Variants in TOMM70 observed in about 807,000 individuals in gnomAD.
TOMM70 encodes the protein translocase of outer mitochondrial membrane 70.
A neutral mutation model predicts 73.6 loss-of-function variants in TOMM70; 13 were observed. The ratio of observed to expected loss-of-function variants is 0.18; its 90% CI spans 0.11 to 0.28. TOMM70 has a LOEUF of 0.28. Among genes scored for constraint, TOMM70 ranks in the 10% least tolerant of loss-of-function variants. The pLI is 1.00. For missense variants in TOMM70, 609 were observed against 747.5 expected, an observed-to-expected ratio of 0.81 and a Z score of 2.16; for synonymous variants, 257 against 271.2, an observed-to-expected ratio of 0.95 and a Z score of 0.51.
rs1231709134 is a variant in TOMM70 at position 100,363,433 on chromosome 3, T to C, written c.*2131A>G. ...CACCATGCCCAGCCTAAACTACCTATCTTTCTATTTAAAGAATAGATAGAA... is the reference window on the plus strand; with the variant it reads ...CACCATGCCCAGCCTAAACTACCTACCTTTCTATTTAAAGAATAGATAGAA... On this transcript the variant is annotated 3_prime_UTR_variant, in exon 12 of 12. Coordinates refer to ENST00000284320, the MANE Select transcript of TOMM70 (RefSeq NM_014820.5). The C allele has an allele frequency of 6.6e-6, 1 of 152,634 alleles. No individual in the cohort carries two copies. The highest frequency in any genetic ancestry group is 1.5e-5 in the Non-Finnish European group (1 of 68,050). The allele number at this position is 152,634 out of a possible 1,614,324, so 9.5% of individuals were successfully genotyped here. A position where few individuals can be genotyped will look rare whatever the true frequency, so the allele number is the denominator to read the frequency against.
chr3:100,373,763 A>G, intron 7 of TOMM70, 118 bp from the exon 8 acceptor site: 1 of 568,696 alleles, frequency 1.8e-6, no homozygotes, highest in Non-Finnish European at 3.0e-6. Flanking sequence ...AATTCAATAT[A>G]TAATTACTTT....
At position 100,377,968 on chromosome 3, in the gene TOMM70, T is replaced by C. The variant is rs573242561; in HGVS notation, c.885-56A>G. The stretch of plus-strand genomic sequence containing the variant: ...TTACTAAGAAAAAATTAAATGTGGC[T>C]GGGTGTGGTGGCTCACGCCTGTAAT... On this transcript the variant is annotated intron_variant, in intron 5 of 11. Transcript: ENST00000284320. The C allele has an allele frequency of 1.6e-4, 237 of 1,498,376 alleles. No individual in the cohort carries two copies. The East Asian group carries it at 2.2e-3, about 14-fold the overall frequency. The allele number at this position is 1,498,376 out of a possible 1,614,324, so 92.8% of individuals were successfully genotyped here.
chr3:100,392,227 A>G (rs35281373), intron 1 of TOMM70, among the ~76,000 whole-genome samples: 36,170 of 152,108 alleles, frequency 0.24, 5,360 homozygotes, highest in Middle Eastern at 0.38. Context: ...ATGCATGACT[A>G]TATATTAGGT....
At chr3:100,368,546 AAC>A in intron 10 of TOMM70, among the ~76,000 whole-genome samples, 1 of 152,156 alleles carries the variant, frequency 6.6e-6, no homozygotes, top group African/African-American at 2.4e-5. Flanking sequence ...TAAAACCCTT[AAC>A]ACAGAGCAAG....
chr3:100,399,623 C>T (rs1576220945), intron 1 of TOMM70, among the ~76,000 whole-genome samples: 1 of 152,110 alleles, frequency 6.6e-6, no homozygotes, highest in Non-Finnish European at 1.5e-5. Flanking sequence ...CTTGGCCTCA[C>T]ATCAGAGAAA....
At chr3:100,392,362 G>C (rs551757615) in intron 1 of TOMM70, among the ~76,000 whole-genome samples, 7 of 152,116 alleles carry the variant, frequency 4.6e-5, no homozygotes, top group Non-Finnish European at 1.0e-4. Flanking sequence ...AAATACTTCA[G>C]GTAATACACC....
At chr3:100,376,636 T>C (rs1706569410) in intron 6 of TOMM70, among the ~76,000 whole-genome samples, 1 of 151,896 alleles carries the variant, frequency 6.6e-6, no homozygotes, top group African/African-American at 2.4e-5. Flanking sequence ...TCTAAGAAAC[T>C]GCTGCTTATC....
intron 11 of TOMM70, among the ~76,000 whole-genome samples, chr3:100,367,223 GA>G (rs576499180): frequency 6.7e-6 from 1 of 149,948 alleles, no homozygotes; most frequent in Non-Finnish European, 1.5e-5. Flanking sequence ...ATAAAAAGAA[GA>G]AAAAAAAACT....
At chr3:100,381,482 T>C in intron 5 of TOMM70, 133 bp downstream of exon 5, 1 of 419,596 alleles carries the variant, frequency 2.4e-6, no homozygotes, top group Non-Finnish European at 3.7e-6. Context: ...TAATTTTTAA[T>C]TATATTTCTG....
In TOMM70 at chr3:100,386,363, A is replaced by T. The variant is rs534901453; in HGVS notation, c.499-19T>A. Reference sequence around the variant, plus strand: ...ATTTTTGCTGTAATTGAAAGTATTTAAAAAAAGTCACACTAAAGAAAGTAC... The same window carrying T: ...ATTTTTGCTGTAATTGAAAGTATTTTAAAAAAGTCACACTAAAGAAAGTAC... On this transcript the variant is annotated intron_variant, in intron 2 of 11. Coordinates refer to ENST00000284320, the MANE Select transcript of TOMM70 (RefSeq NM_014820.5). 8.2e-5 allele frequency: 130 copies of T among 1,585,986 alleles called. 1 individual carries two copies. The highest frequency in any genetic ancestry group is 4.4e-4 in the South Asian group (38 of 85,964).
chr3:100,391,897 C>T (rs1706767506), intron 1 of TOMM70, among the ~76,000 whole-genome samples: 1 of 152,168 alleles, frequency 6.6e-6, no homozygotes, highest in Admixed American at 6.5e-5. Context: ...TTTACTTTCA[C>T]TCACCCACTG....
At chr3:100,369,783 G>A (rs985465642) in intron 9 of TOMM70, among the ~76,000 whole-genome samples, 4 of 152,120 alleles carry the variant, frequency 2.6e-5, no homozygotes, top group Non-Finnish European at 4.4e-5. Flanking sequence ...TTACAGGAGT[G>A]AGCCACCGCA....
At chr3:100,398,779 T>C (rs1349406879) in intron 1 of TOMM70, among the ~76,000 whole-genome samples, 3 of 152,136 alleles carry the variant, frequency 2.0e-5, no homozygotes. Flanking sequence ...GAGCCCACTA[T>C]AAAGCTTACA....
chr3:100,373,684 T>TGCA (rs3832198), intron 7 of TOMM70, 39 bp from the exon 8 acceptor site: 1,010,332 of 1,466,892 alleles, frequency 0.69, 351,897 homozygotes, highest in East Asian at 0.92. Context: ...ATTCAACTAG[T>TGCA]CCAGTTAAGT....
chr3:100,374,719 T>C (rs1466348355), intron 7 of TOMM70, among the ~76,000 whole-genome samples: 2 of 152,256 alleles, frequency 1.3e-5, no homozygotes, highest in Admixed American at 6.5e-5. Context: ...CTAAATGTTA[T>C]TAATGTTTTA....
chr3:100,377,941 A>G, intron 5 of TOMM70, 29 bp from the exon 6 acceptor site: 3 of 1,587,026 alleles, frequency 1.9e-6, no homozygotes, highest in Non-Finnish European at 2.6e-6. Context: ...ATAGGAAATT[A>G]TTTACTAAGA....
At chr3:100,370,607 G>A (rs545445897) in intron 9 of TOMM70, among the ~76,000 whole-genome samples, 74 of 152,174 alleles carry the variant, frequency 4.9e-4, no homozygotes, top group African/African-American at 1.7e-3. Context: ...CAGCATCTAC[G>A]CCAAAGCTTT....
In TOMM70 at chr3:100,377,690, C is replaced by T; in HGVS notation, c.1092+15G>A. On this transcript the variant is annotated intron_variant, in intron 6 of 11. Coordinates refer to ENST00000284320, the MANE Select transcript of TOMM70 (RefSeq NM_014820.5). The stretch of plus-strand genomic sequence containing the variant: ...TTCTATTTAATAATTTCTTCACACA[C>T]ATTTTTTAATGTACCTTCACATTAG... 3 of 1,595,224 alleles carry T rather than the reference C, an allele frequency of 1.9e-6. No individual in the cohort carries two copies. The highest frequency in any genetic ancestry group is 2.3e-5 in the East Asian group (1 of 44,408).
At chr3:100,381,431 C>A (rs911873063) in intron 5 of TOMM70, among the ~76,000 whole-genome samples, 184 bp downstream of exon 5, 2 of 152,122 alleles carry the variant, frequency 1.3e-5, no homozygotes, top group East Asian at 3.9e-4. Context: ...GTAACAGATA[C>A]ATGCTAGAAA....
Sources: allele counts gnomAD v4.1 joint callset (sites outside exome capture counted in the v4.1 genomes callset), GRCh38; gene constraint gnomAD v4.1.1; transcripts MANE v1.5; gene names NCBI Gene and HGNC (gene_info 2026-07-23, HGNC 2026-07-21).